PTPRN2: variants seen among roughly 807,000 people sequenced by gnomAD.
PTPRN2 encodes protein tyrosine phosphatase receptor type N2.
Under a neutral mutation model 118.8 loss-of-function variants are expected in PTPRN2, and 74 were observed. The ratio of observed to expected loss-of-function variants is 0.62; its 90% CI spans 0.52 to 0.76. The LOEUF (loss-of-function observed/expected upper bound fraction) is 0.76. Among genes scored for constraint, PTPRN2 ranks in the 30% least tolerant of loss-of-function variants. The pLI, the probability that PTPRN2 is intolerant of heterozygous loss-of-function variation, is 0.00. For synonymous variants in PTPRN2, 641 were observed against 608.0 expected, an observed-to-expected ratio of 1.05 and a Z score of -0.80; for missense variants, 1,481 against 1,394.4, an observed-to-expected ratio of 1.06 and a Z score of -0.99.
At chr7:157,843,240 T>A (rs553300077) in intron 12 of PTPRN2, among the ~76,000 whole-genome samples, 17 of 152,240 alleles carry the variant, frequency 1.1e-4, no homozygotes, top group Non-Finnish European at 2.2e-4. Context: ...ATGGTATGTA[T>A]GAAATACACA....
At chr7:158,413,967 G>A (rs1262138137) in intron 2 of PTPRN2, among the ~76,000 whole-genome samples, 1 of 151,218 alleles carries the variant, frequency 6.6e-6, no homozygotes, top group African/African-American at 2.4e-5. Context: ...TGGAGAAACC[G>A]TGTCTCTACT....
intron 12 of PTPRN2, among the ~76,000 whole-genome samples, chr7:157,759,312 T>A (rs1801996573): frequency 6.6e-6 from 1 of 152,250 alleles, no homozygotes; most frequent in South Asian, 2.1e-4. Flanking sequence ...TGGGCTGAGA[T>A]GCACCTGTTT....
intron 12 of PTPRN2, among the ~76,000 whole-genome samples, chr7:157,897,135 AC>A (rs1390494833): frequency 4.6e-5 from 7 of 152,178 alleles, no homozygotes; most frequent in African/African-American, 1.7e-4. Flanking sequence ...ATTCCTGGAC[AC>A]CATTATCCCT....
intron 11 of PTPRN2, among the ~76,000 whole-genome samples, chr7:158,042,162 GA>G (rs1260831326): frequency 6.6e-6 from 1 of 152,140 alleles, no homozygotes; most frequent in Admixed American, 6.5e-5. Context: ...CACGGGCACT[GA>G]AACACCAGCT....
chr7:157,998,369 C>G (rs1048529886), intron 11 of PTPRN2, among the ~76,000 whole-genome samples: 1 of 152,172 alleles, frequency 6.6e-6, no homozygotes, highest in Non-Finnish European at 1.5e-5. Context: ...CCGGAGGCTC[C>G]TGGGCTCTGA....
intron 10 of PTPRN2, among the ~76,000 whole-genome samples, chr7:158,105,314 T>C (rs1815594610): frequency 6.7e-6 from 1 of 148,286 alleles, no homozygotes; most frequent in Admixed American, 6.7e-5. Context: ...CTCAGCTCCA[T>C]CCCAACTCTA....
At chr7:158,488,765 G>A (rs1351412348) in intron 2 of PTPRN2, among the ~76,000 whole-genome samples, 1 of 152,260 alleles carries the variant, frequency 6.6e-6, no homozygotes, top group Non-Finnish European at 1.5e-5. Context: ...GATTAAATCC[G>A]CTCCTGCCCA....
chr7:157,725,980 AGCC>A (rs1799569080), intron 12 of PTPRN2, among the ~76,000 whole-genome samples: 2 of 72,796 alleles, frequency 2.7e-5, no homozygotes, highest in African/African-American at 6.3e-5. Context: ...CAGAGGAGTG[AGCC>A]AGACCCTCGC....
intron 12 of PTPRN2, among the ~76,000 whole-genome samples, chr7:157,762,752 A>G (rs991822648): frequency 2.6e-5 from 4 of 151,618 alleles, no homozygotes; most frequent in African/African-American, 9.8e-5. Context: ...AATAATAAAA[A>G]AAAAAGAGAA....
chr7:158,308,710 G>C (rs1349258006), intron 3 of PTPRN2, among the ~76,000 whole-genome samples: 1 of 151,900 alleles, frequency 6.6e-6, no homozygotes, highest in African/African-American at 2.4e-5. Flanking sequence ...TATTAACTTG[G>C]TGTTAATAAA....
chr7:158,572,996 G>C (rs952260721), intron 1 of PTPRN2, among the ~76,000 whole-genome samples: 4 of 152,180 alleles, frequency 2.6e-5, no homozygotes, highest in Non-Finnish European at 5.9e-5. Flanking sequence ...CTGAGGAATA[G>C]TTGTTAATTC....
chr7:158,267,786 A>G (rs1717055094), intron 3 of PTPRN2, among the ~76,000 whole-genome samples: 4 of 152,182 alleles, frequency 2.6e-5, no homozygotes, highest in Admixed American at 2.6e-4. Context: ...CCCAACCTCT[A>G]TGCCAGGCTG....
At chr7:158,233,427 A>T (rs185701397) in intron 3 of PTPRN2, among the ~76,000 whole-genome samples, 126 of 152,336 alleles carry the variant, frequency 8.3e-4, no homozygotes, top group Admixed American at 1.7e-3. Context: ...CGACACAAAA[A>T]ACTGGAAAGA....
At chr7:157,867,415 C>T (rs113478244) in intron 12 of PTPRN2, among the ~76,000 whole-genome samples, 112 of 55,524 alleles carry the variant, frequency 2.0e-3, no homozygotes, top group Admixed American at 2.5e-3. Flanking sequence ...CCTGGATACA[C>T]GGCCACCTGG....
In PTPRN2 at chr7:158,003,830, AAAG is replaced by A. The variant is rs142533440; in HGVS notation, c.1723+77465_1723+77467del. Among the ~76,000 whole-genome samples the A allele has an allele frequency of 2.9e-3, 444 of 152,282 alleles. No homozygotes were observed. Among genetic ancestry groups the A allele is most frequent in the African/African-American group, 0.01 (422 of 41,554 alleles). On this transcript the variant is annotated intron_variant, in intron 11 of 22. Transcript: ENST00000389418. The surrounding 1 kb of genome is among the most constrained non-coding windows in gnomAD (Gnocchi z 5.0). Reference sequence around the variant, plus strand: ...GGTAAAACGGGCCTCTGCTTTTTTTAAAGAATAGCTTGTCTAATGACTCTGAGA... The same window carrying A: ...GGTAAAACGGGCCTCTGCTTTTTTTAAATAGCTTGTCTAATGACTCTGAGA...
At chr7:158,274,143 G>T (rs1293906404) in intron 3 of PTPRN2, among the ~76,000 whole-genome samples, 1 of 110,210 alleles carries the variant, frequency 9.1e-6, no homozygotes, top group East Asian at 2.9e-4. Flanking sequence ...CAGACACAGG[G>T]AGCCGCAGAC....
Position 157,676,889 on chromosome 7 carries a change from T to C in PTPRN2, c.2001+5836A>G, listed in dbSNP as rs1019011089. On this transcript the variant is annotated intron_variant, in intron 13 of 22. Transcript: ENST00000389418. The surrounding 1 kb of genome is among the most constrained non-coding windows in gnomAD (Gnocchi z 5.6). ...GACCCTGGCTTTGACGAGAAGGAAG[T>C]GTTCTCTGGTTCTGGCAGAGAAATG... Among the ~76,000 whole-genome samples the C allele has an allele frequency of 1.3e-5, 2 of 151,784 alleles. No individual in the cohort carries two copies. Among genetic ancestry groups the C allele is most frequent in the Admixed American group, 1.3e-4 (2 of 15,232 alleles).
chr7:158,254,279 AC>A, intron 3 of PTPRN2, among the ~76,000 whole-genome samples: 1 of 38,256 alleles, frequency 2.6e-5, no homozygotes, highest in Non-Finnish European at 6.0e-5. Context: ...CCACGGCACG[AC>A]CCGCCCTCCA....
At chr7:158,040,409 CACACACAA>C (rs907931515) in intron 11 of PTPRN2, among the ~76,000 whole-genome samples, 4 of 149,632 alleles carry the variant, frequency 2.7e-5, no homozygotes, top group African/African-American at 4.9e-5. Flanking sequence ...CACACACACA[CACACACAA>C]ACACACTGCA....
Sources: gnomAD v4.1 joint callset for allele counts (sites outside exome capture counted in the v4.1 genomes callset) on GRCh38, gnomAD v4.1.1 for gene constraint, Gnocchi (gnomAD v3.1) non-coding constraint, MANE v1.5 for transcripts, NCBI Gene and HGNC (gene_info 2026-07-23, HGNC 2026-07-21) for gene names.